CNTNAP3B: variants seen among roughly 807,000 people sequenced by gnomAD.
CNTNAP3B encodes the protein contactin-associated protein-like 3B.
In CNTNAP3B, 25 loss-of-function variants were observed where a neutral mutation model predicts 108.9. The ratio of observed to expected loss-of-function variants is 0.23; its 90% CI spans 0.17 to 0.32. CNTNAP3B has a LOEUF of 0.32. Ranked by LOEUF, CNTNAP3B falls within the 10% of genes least tolerant of loss-of-function variation. The pLI is 1.00. For missense variants in CNTNAP3B, 252 were observed against 1,210.4 expected, an observed-to-expected ratio of 0.21 and a Z score of 11.75; for synonymous variants, 103 against 473.4, an observed-to-expected ratio of 0.22 and a Z score of 10.16.
chr9:41,940,544 G>A (rs1381887711), intron 13 of CNTNAP3B, among the ~76,000 whole-genome samples: 192 of 152,156 alleles, frequency 1.3e-3, no homozygotes, highest in Middle Eastern at 3.4e-3. Context: ...TTTAGGCCGG[G>A]TGCGGTGGCT....
At chr9:41,969,991 G>A (rs1427494803) in intron 10 of CNTNAP3B, 83 bp downstream of exon 10, 4 of 1,241,256 alleles carry the variant, frequency 3.2e-6, no homozygotes, top group East Asian at 4.3e-5. Flanking sequence ...AAAAGAGAAC[G>A]GAATGCCTTT....
chr9:41,934,100 C>CATACATATATATATAT (rs1564148239), intron 14 of CNTNAP3B, among the ~76,000 whole-genome samples: 1 of 90,224 alleles, frequency 1.1e-5, no homozygotes, highest in Admixed American at 1.3e-4. Context: ...ATATTTGTTA[C>CATACATATATATATAT]ATATATATAT....
At chr9:42,127,340 A>T (rs571345982) in intron 1 of CNTNAP3B, among the ~76,000 whole-genome samples, 4 of 139,316 alleles carry the variant, frequency 2.9e-5, no homozygotes, top group Non-Finnish European at 6.2e-5. Flanking sequence ...CTTCCACTGG[A>T]TTCCAAGCAA....
chr9:41,921,108 G>T (rs1057438518), intron 17 of CNTNAP3B, among the ~76,000 whole-genome samples: 10 of 152,308 alleles, frequency 6.6e-5, no homozygotes, highest in Admixed American at 5.9e-4. Context: ...GTGGGCCTAA[G>T]GTGGGGGCCC....
At chr9:42,086,550 T>G (rs1387675563) in intron 2 of CNTNAP3B, among the ~76,000 whole-genome samples, 3 of 124,924 alleles carry the variant, frequency 2.4e-5, no homozygotes, top group Non-Finnish European at 5.0e-5. Context: ...GTTCAAGCGA[T>G]TCTCCTGCCT....
intron 1 of CNTNAP3B, among the ~76,000 whole-genome samples, chr9:42,118,327 C>A (rs1828370967): frequency 7.2e-6 from 1 of 139,616 alleles, no homozygotes; most frequent in East Asian, 2.2e-4. Context: ...GCTTATCCAC[C>A]ATGATCAAGC....
intron 13 of CNTNAP3B, among the ~76,000 whole-genome samples, chr9:41,947,709 C>T (rs1824566184): frequency 6.6e-6 from 1 of 151,550 alleles, no homozygotes; most frequent in Admixed American, 6.6e-5. Context: ...GAATTTGAAA[C>T]AAAAATAATA....
intron 3 of CNTNAP3B, among the ~76,000 whole-genome samples, chr9:42,062,400 A>G (rs1468949290): frequency 1.7e-5 from 1 of 58,656 alleles, no homozygotes; most frequent in Non-Finnish European, 3.2e-5. Context: ...CTTAAAATCT[A>G]TTTTATCTGG....
At chr9:41,936,969 T>C (rs1371854021) in intron 14 of CNTNAP3B, among the ~76,000 whole-genome samples, 2 of 152,294 alleles carry the variant, frequency 1.3e-5, no homozygotes, top group Admixed American at 1.3e-4. Context: ...CAAAGTAGAC[T>C]TTTTATGCCA....
At chr9:42,072,892 CA>C (rs1031866572) in intron 3 of CNTNAP3B, among the ~76,000 whole-genome samples, 17 of 130,484 alleles carry the variant, frequency 1.3e-4, no homozygotes, top group African/African-American at 4.4e-4. Context: ...GTGTATACAC[CA>C]AATATGAGTG....
intron 17 of CNTNAP3B, among the ~76,000 whole-genome samples, chr9:41,921,177 G>A (rs879419924): frequency 0.053 from 6,830 of 129,706 alleles, no homozygotes; most frequent in Middle Eastern, 0.091. Flanking sequence ...TTCATCCACC[G>A]CAATGAATGC....
chr9:42,039,398 AG>A (rs1481219335), intron 3 of CNTNAP3B, among the ~76,000 whole-genome samples: 1 of 80,726 alleles, frequency 1.2e-5, no homozygotes, highest in African/African-American at 5.7e-5. Context: ...AAAATGATAA[AG>A]GGGGTATCAC....
At position 42,127,557 on chromosome 9, in the gene CNTNAP3B, T is replaced by C. The variant is rs1390775557; in HGVS notation, c.85+1453A>G. ...ATTGGTCAATTACTCTAGCATGCCTTTCTATAAGTAACTCATTTATGTGTT... is the reference window on the plus strand; with the variant it reads ...ATTGGTCAATTACTCTAGCATGCCTCTCTATAAGTAACTCATTTATGTGTT... On this transcript the variant is annotated intron_variant, in intron 1 of 23. Transcript: ENST00000377561. 2.1e-5 allele frequency among the ~76,000 whole-genome samples: 3 copies of C among 139,740 alleles called. No individual in the cohort carries two copies. In the East Asian group the frequency reaches 6.5e-4, roughly 30 times the overall value. 91.7% of individuals were successfully genotyped at this position (139,740 alleles called of 152,430 possible). A position where few individuals can be genotyped will look rare whatever the true frequency, so the allele number is the denominator to read the frequency against.
chr9:41,983,789 C>T (rs1825677346), intron 9 of CNTNAP3B: 1 of 87,776 alleles, frequency 1.1e-5, no homozygotes, highest in South Asian at 3.4e-4. Flanking sequence ...GTGGCTCACG[C>T]CTGTAATCCC....
At chr9:42,062,743 T>G (rs1220392414) in intron 3 of CNTNAP3B, among the ~76,000 whole-genome samples, 1 of 96,272 alleles carries the variant, frequency 1.0e-5, no homozygotes, top group Non-Finnish European at 2.2e-5. Context: ...CTTTCCATCT[T>G]CCTTTGTGAT....
At chr9:41,918,011 G>A (rs1405782344) in intron 18 of CNTNAP3B, among the ~76,000 whole-genome samples, 4 of 152,306 alleles carry the variant, frequency 2.6e-5, no homozygotes, top group Non-Finnish European at 4.4e-5. Flanking sequence ...ATTTCCTTAG[G>A]ACATTTTCTA....
chr9:42,061,317 C>CTTTTTTTTTTTTTTT, intron 3 of CNTNAP3B, among the ~76,000 whole-genome samples: 1 of 93,072 alleles, frequency 1.1e-5, no homozygotes, highest in Non-Finnish European at 2.0e-5. Flanking sequence ...TTTTCTTTTT[C>CTTTTTTTTTTTTTTT]TTTTTTTTTT....
At chr9:41,930,502 C>A (rs1461297714) in intron 14 of CNTNAP3B, among the ~76,000 whole-genome samples, 1 of 151,980 alleles carries the variant, frequency 6.6e-6, no homozygotes, top group Non-Finnish European at 1.5e-5. Context: ...ATGTGTGCAA[C>A]ACTGCACTCC....
chr9:41,926,461 A>C (rs1344162924), intron 15 of CNTNAP3B, among the ~76,000 whole-genome samples: 1 of 152,264 alleles, frequency 6.6e-6, no homozygotes, highest in East Asian at 1.9e-4. Flanking sequence ...TTCATTAATC[A>C]ATTTATTTAT....
Sources: gnomAD v4.1 joint callset for allele counts (sites outside exome capture counted in the v4.1 genomes callset) on GRCh38, gnomAD v4.1.1 for gene constraint, MANE v1.5 for transcripts, NCBI Gene and HGNC (gene_info 2026-07-23, HGNC 2026-07-21) for gene names.